The following RORA variants were observed in gnomAD, a reference collection of about 807,000 sequenced individuals.
The protein encoded by RORA is RAR related orphan receptor A.
RORA carries 7 observed loss-of-function variants against 69.5 expected under a neutral mutation model. The ratio of observed to expected loss-of-function variants is 0.10; its 90% confidence interval spans 0.06 to 0.19. RORA has a LOEUF of 0.19. RORA is among the 10% of genes least tolerant of loss of function. The pLI is 1.00. For synonymous variants in RORA, 261 were observed against 240.8 expected, an observed-to-expected ratio of 1.08 and a Z score of -0.78; for missense variants, 457 against 663.0, an observed-to-expected ratio of 0.69 and a Z score of 3.41.
At chr15:60,995,331 T>G (rs1894501208) in intron 1 of RORA, among the ~76,000 whole-genome samples, 1 of 152,204 alleles carries the variant, frequency 6.6e-6, no homozygotes, top group South Asian at 2.1e-4. Context: ...GCCTCAGGTG[T>G]GGCAGCTGAG....
At position 60,791,713 on chromosome 15, in the gene RORA, G is replaced by A. The variant is rs144049098; in HGVS notation, c.167-113027C>T. ...AGGGAGACTCCAAGGGACCCAATAC[G>A]AAGAAGCAGCTGGAAGCTAAAAGAA... On this transcript the variant is annotated intron_variant, in intron 1 of 10. Transcript: ENST00000335670. Among the ~76,000 whole-genome samples, 1,141 of 152,338 alleles carry A rather than the reference G, an allele frequency of 7.5e-3. 5 individuals are homozygous for A. Among genetic ancestry groups the A allele is most frequent in the Non-Finnish European group, 0.011 (750 of 68,030 alleles).
intron 5 of RORA, among the ~76,000 whole-genome samples, chr15:60,508,439 A>G (rs2065585323): frequency 2.0e-5 from 3 of 152,264 alleles, no homozygotes. Flanking sequence ...ATTAATAATT[A>G]TGATAGCAGT....
At chr15:60,851,511 C>T (rs1304180239) in intron 1 of RORA, among the ~76,000 whole-genome samples, 5 of 152,056 alleles carry the variant, frequency 3.3e-5, no homozygotes, top group African/African-American at 7.2e-5. Context: ...CCAGGCTATC[C>T]AAATCATACC....
intron 3 of RORA, among the ~76,000 whole-genome samples, chr15:60,523,241 C>T (rs10438338): frequency 0.5 from 76,579 of 151,968 alleles, 23,014 homozygotes; most frequent in East Asian, 0.82. Flanking sequence ...AAAATGTCTT[C>T]GTTGTTTCAC....
At chr15:60,781,490 A>C (rs896720581) in intron 1 of RORA, among the ~76,000 whole-genome samples, 3 of 152,168 alleles carry the variant, frequency 2.0e-5, no homozygotes, top group African/African-American at 7.2e-5. Context: ...GGACCCAGCC[A>C]GCCCACAGAG....
chr15:61,105,037 A>T (rs796800376), intron 1 of RORA, among the ~76,000 whole-genome samples: 9 of 138,276 alleles, frequency 6.5e-5, no homozygotes, highest in African/African-American at 2.4e-4. Flanking sequence ...GAGTCCATTA[A>T]ACCTCTTTTT....
At chr15:60,808,715 T>G (rs924021067) in intron 1 of RORA, among the ~76,000 whole-genome samples, 97 of 149,182 alleles carry the variant, frequency 6.5e-4, no homozygotes, top group African/African-American at 2.3e-3. Context: ...TTATAATATA[T>G]AAAACATAAT....
chr15:61,173,286 C>T (rs2079601023), intron 1 of RORA, among the ~76,000 whole-genome samples: 1 of 152,192 alleles, frequency 6.6e-6, no homozygotes, highest in Non-Finnish European at 1.5e-5. Context: ...AAATCCAGAT[C>T]TGTCTTCAAA....
intron 1 of RORA, among the ~76,000 whole-genome samples, chr15:60,806,611 C>G (rs576601521): frequency 2.6e-4 from 39 of 152,326 alleles, no homozygotes; most frequent in African/African-American, 9.1e-4. Context: ...TCTATACACT[C>G]TCTTTTGATT....
chr15:61,137,029 A>AAGAAAGAAAGAG (rs2140856238), intron 1 of RORA, among the ~76,000 whole-genome samples: 1 of 101,502 alleles, frequency 9.9e-6, no homozygotes, highest in East Asian at 2.6e-4. Context: ...AAAAGAAAGA[A>AAGAAAGAAAGAG]AGAAAGAAAG....
At chr15:60,799,117 C>T (rs1294649620) in intron 1 of RORA, among the ~76,000 whole-genome samples, 1 of 152,040 alleles carries the variant, frequency 6.6e-6, no homozygotes, top group Non-Finnish European at 1.5e-5. Context: ...TCCGTGCCCT[C>T]GTGCTGGTCT....
In RORA at chr15:61,061,376, A is replaced by C. The variant is rs886965158; in HGVS notation, c.166+167677T>G. Among the ~76,000 whole-genome samples, 4 of 148,622 alleles carry C rather than the reference A, an allele frequency of 2.7e-5. No homozygotes were observed. Among genetic ancestry groups the C allele is most frequent in the African/African-American group, 2.5e-5 (1 of 40,684 alleles). ...TAAAAAATAAATAAATAAATAAATA[A>C]ATAAATAAATAAATAAATAAATACA... On this transcript the variant is annotated intron_variant, in intron 1 of 10. Coordinates refer to ENST00000335670, the MANE Select transcript of RORA (RefSeq NM_134261.3). The surrounding 1 kb of genome is among the most constrained non-coding windows in gnomAD (Gnocchi z 4.4).
At chr15:60,610,173 C>G (rs2069051792) in intron 2 of RORA, among the ~76,000 whole-genome samples, 1 of 148,746 alleles carries the variant, frequency 6.7e-6, no homozygotes, top group Non-Finnish European at 1.5e-5. Context: ...TTGAACATCT[C>G]AATCATTCTA....
At chr15:60,874,476 T>A in intron 1 of RORA, among the ~76,000 whole-genome samples, 1 of 152,162 alleles carries the variant, frequency 6.6e-6, no homozygotes, top group East Asian at 1.9e-4. Context: ...AAGACTGTCT[T>A]TTGTAAGACT....
intron 2 of RORA, among the ~76,000 whole-genome samples, chr15:60,675,749 A>G (rs2070543192): frequency 6.6e-6 from 1 of 152,228 alleles, no homozygotes; most frequent in African/African-American, 2.4e-5. Context: ...AACAAGGTGG[A>G]CTAAAATACT....
chr15:60,769,714 C>A (rs2072045346), intron 1 of RORA, among the ~76,000 whole-genome samples: 1 of 152,126 alleles, frequency 6.6e-6, no homozygotes, highest in Non-Finnish European at 1.5e-5. Context: ...CTCACTATTA[C>A]CAGCAGTTTC....
chr15:60,702,348 C>T (rs1165646178), intron 1 of RORA, among the ~76,000 whole-genome samples: 1 of 152,190 alleles, frequency 6.6e-6, no homozygotes, highest in Non-Finnish European at 1.5e-5. Flanking sequence ...TCTCCTGCCT[C>T]AGCCTCCCGA....
intron 3 of RORA, among the ~76,000 whole-genome samples, chr15:60,523,741 G>A (rs1567059319): frequency 6.6e-6 from 1 of 152,148 alleles, no homozygotes; most frequent in South Asian, 2.1e-4. Context: ...GAGTGACCAC[G>A]GCTCACTGCA....
At chr15:60,831,862 G>A (rs957327807) in intron 1 of RORA, among the ~76,000 whole-genome samples, 1 of 152,180 alleles carries the variant, frequency 6.6e-6, no homozygotes, top group Non-Finnish European at 1.5e-5. Context: ...TAAGGTTCAA[G>A]GTTGCCCCTA....
Sources: gnomAD v4.1 joint callset for allele counts (sites outside exome capture counted in the v4.1 genomes callset) on GRCh38, gnomAD v4.1.1 for gene constraint, Gnocchi (gnomAD v3.1) non-coding constraint, MANE v1.5 for transcripts, NCBI Gene and HGNC (gene_info 2026-07-23, HGNC 2026-07-21) for gene names.